Variants in ARFIP1 observed in about 807,000 individuals in gnomAD.
The protein encoded by ARFIP1 is arfaptin-1.
In ARFIP1, 24 loss-of-function variants were observed where a neutral mutation model predicts 42.5. That is an observed-to-expected ratio of 0.57 (90% confidence interval 0.41 to 0.80). The LOEUF (loss-of-function observed/expected upper bound fraction) is 0.80. Ranked by LOEUF, ARFIP1 falls within the 30% of genes least tolerant of loss-of-function variation. The pLI is 0.00. For synonymous variants in ARFIP1, 141 were observed against 153.7 expected, an observed-to-expected ratio of 0.92 and a Z score of 0.61; for missense variants, 354 against 434.0, an observed-to-expected ratio of 0.82 and a Z score of 1.64.
intron 1 of ARFIP1, among the ~76,000 whole-genome samples, chr4:152,826,511 T>C (rs773904945): frequency 2.0e-5 from 3 of 152,116 alleles, no homozygotes; most frequent in Admixed American, 6.5e-5. Flanking sequence ...AAAAACTACC[T>C]ATAGGGTACA....
intron 3 of ARFIP1, among the ~76,000 whole-genome samples, chr4:152,866,491 C>T (rs1367428191): frequency 1.2e-4 from 18 of 148,944 alleles, no homozygotes; most frequent in Middle Eastern, 3.8e-3. Flanking sequence ...GCTGGCCGGG[C>T]GGGGGCTGAC....
chr4:152,863,830 T>C, intron 3 of ARFIP1, 116 bp downstream of exon 3: 1 of 611,818 alleles, frequency 1.6e-6, no homozygotes, highest in Non-Finnish European at 2.8e-6. Flanking sequence ...TGATAAAACA[T>C]TGATTATAAA....
chr4:152,825,986 A>G (rs1730803382), intron 1 of ARFIP1, among the ~76,000 whole-genome samples: 1 of 152,180 alleles, frequency 6.6e-6, no homozygotes, highest in Non-Finnish European at 1.5e-5. Context: ...AATGGCCATG[A>G]TTAAAAAGTC....
In ARFIP1 at chr4:152,899,797, G is replaced by A. The variant is rs532355602; in HGVS notation, c.967-10267G>A. On this transcript the variant is annotated intron_variant, in intron 8 of 8. Transcript: ENST00000353617. ...CTTTGAGTACTATAATCTGTAAATG[G>A]AGGAAAGTTGCTATAAGGATTTTTA... Among the ~76,000 whole-genome samples the A allele has an allele frequency of 1.6e-4, 24 of 152,244 alleles. No homozygotes were observed. In the South Asian group the frequency reaches 5.0e-3, roughly 32 times the overall value.
In ARFIP1 at chr4:152,865,975, T is replaced by G. The variant is rs967560988; in HGVS notation, c.202+2261T>G. On this transcript the variant is annotated intron_variant, in intron 3 of 8. Transcript: ENST00000353617. ...GAGGGAAGGTCAGCAGATAAACAAG[T>G]GAACAAAGGTCTCTGGTTTTCCTAG... is the stretch of plus-strand genomic sequence containing the variant. Among the ~76,000 whole-genome samples the G allele has an allele frequency of 2.0e-5, 3 of 152,106 alleles. No individual in the cohort carries two copies. In the East Asian group the frequency reaches 5.8e-4, roughly 29 times the overall value.
chr4:152,827,304 A>G (rs1306764180), intron 1 of ARFIP1, among the ~76,000 whole-genome samples: 1 of 152,202 alleles, frequency 6.6e-6, no homozygotes, highest in Non-Finnish European at 1.5e-5. Context: ...CAAAATTGAG[A>G]AGAAAGCACA....
At chr4:152,907,824 A>G (rs1738498432) in intron 8 of ARFIP1, among the ~76,000 whole-genome samples, 1 of 152,168 alleles carries the variant, frequency 6.6e-6, no homozygotes, top group African/African-American at 2.4e-5. Flanking sequence ...TTTTAATGCT[A>G]AAAACAGTGC....
At chr4:152,889,498 C>CACATAT (rs1736542835) in intron 8 of ARFIP1, among the ~76,000 whole-genome samples, 2 of 42,772 alleles carry the variant, frequency 4.7e-5, no homozygotes, top group East Asian at 7.2e-4. Flanking sequence ...TCATTTTAGT[C>CACATAT]ATATATATAT....
chr4:152,859,637 A>G (rs748998384), intron 2 of ARFIP1, among the ~76,000 whole-genome samples: 3 of 151,944 alleles, frequency 2.0e-5, no homozygotes, highest in Admixed American at 6.6e-5. Flanking sequence ...ATTTTTAATG[A>G]TCTTCCAGCT....
At chr4:152,830,207 A>G (rs1455210699) in intron 2 of ARFIP1, among the ~76,000 whole-genome samples, 8 of 152,110 alleles carry the variant, frequency 5.3e-5, no homozygotes, top group Non-Finnish European at 1.2e-4. Flanking sequence ...ATTTAATTTT[A>G]TTGCATTTTA....
At chr4:152,825,476 A>T (rs750405969) in intron 1 of ARFIP1, among the ~76,000 whole-genome samples, 1 of 152,210 alleles carries the variant, frequency 6.6e-6, no homozygotes, top group Non-Finnish European at 1.5e-5. Context: ...AATGGTGCTG[A>T]GGAAATTGGA....
At chr4:152,822,267 G>T (rs1357648763) in intron 1 of ARFIP1, among the ~76,000 whole-genome samples, 2 of 76,140 alleles carry the variant, frequency 2.6e-5, no homozygotes, top group Non-Finnish European at 5.0e-5. Context: ...CATTATATCA[G>T]ATCAAACAGA....
chr4:152,837,317 A>G (rs1407208393), intron 2 of ARFIP1, among the ~76,000 whole-genome samples: 1 of 152,136 alleles, frequency 6.6e-6, no homozygotes, highest in East Asian at 1.9e-4. Flanking sequence ...GGATCAAATG[A>G]TAGTTCTACT....
chr4:152,863,735 A>T, intron 3 of ARFIP1, 21 bp downstream of exon 3: 1 of 1,506,740 alleles, frequency 6.6e-7, no homozygotes, highest in Non-Finnish European at 9.2e-7. Flanking sequence ...ATATATTTGT[A>T]AAGATGGCTG....
intron 1 of ARFIP1, among the ~76,000 whole-genome samples, chr4:152,813,312 G>T (rs535970196): frequency 6.6e-6 from 1 of 152,226 alleles, no homozygotes; most frequent in South Asian, 2.1e-4. Context: ...GGGAGTGTGG[G>T]CTGGGGGGTC....
rs192769443 is a variant in ARFIP1 at position 152,865,691 on chromosome 4, C to T, written c.202+1977C>T. Among the ~76,000 whole-genome samples, 66 of 152,218 alleles carry T rather than the reference C, an allele frequency of 4.3e-4. 1 individual carries two copies. The highest frequency in any genetic ancestry group is 1.5e-3 in the African/African-American group (63 of 41,518). On this transcript the variant is annotated intron_variant, in intron 3 of 8. Transcript: ENST00000353617. ...TAGTAGTCATTCTGAAGCATCATGGCATTCTTATATCAGGGATAATTTTGA... is the reference window on the plus strand; with the variant it reads ...TAGTAGTCATTCTGAAGCATCATGGTATTCTTATATCAGGGATAATTTTGA...
At chr4:152,797,571 C>T (rs1379582950) in intron 1 of ARFIP1, among the ~76,000 whole-genome samples, 1 of 152,102 alleles carries the variant, frequency 6.6e-6, no homozygotes, top group African/African-American at 2.4e-5. Context: ...TGTTGTCATC[C>T]TGTCTTAGAA....
intron 1 of ARFIP1, among the ~76,000 whole-genome samples, chr4:152,789,885 C>G (rs1731049540): frequency 6.6e-6 from 1 of 152,122 alleles, no homozygotes; most frequent in Non-Finnish European, 1.5e-5. Context: ...ACAAAATGCT[C>G]TAGGCTCACC....
intron 1 of ARFIP1, among the ~76,000 whole-genome samples, chr4:152,795,331 A>G (rs941723161): frequency 1.3e-5 from 2 of 151,998 alleles, no homozygotes; most frequent in African/African-American, 4.8e-5. Context: ...ATCACTTCAT[A>G]TTATAGAGAT....
Sources: gnomAD v4.1 joint callset for allele counts (sites outside exome capture counted in the v4.1 genomes callset) on GRCh38, gnomAD v4.1.1 for gene constraint, MANE v1.5 for transcripts, NCBI Gene and HGNC (gene_info 2026-07-23, HGNC 2026-07-21) for gene names.